Variants in ADAMTS12 observed in about 807,000 individuals in gnomAD.
ADAMTS12 encodes ADAM metallopeptidase with thrombospondin type 1 motif 12, also known as A disintegrin and metalloproteinase with thrombospondin motifs 12.
In ADAMTS12, 118 loss-of-function variants were observed where a neutral mutation model predicts 167.8. That is an observed-to-expected ratio of 0.70 (90% CI 0.61 to 0.82). The LOEUF (loss-of-function observed/expected upper bound fraction) is 0.82, where lower values mean the gene tolerates loss of function less well. ADAMTS12 is among the 40% of genes least tolerant of loss of function. The pLI, the probability that ADAMTS12 is intolerant of heterozygous loss-of-function variation, is 0.00. For synonymous variants in ADAMTS12, 704 were observed against 716.9 expected (o/e 0.98, Z 0.29); for missense variants, 1,916 against 1,998.8 (o/e 0.96, Z 0.79).
chr5:33,793,696 G>A (rs1579941390), intron 2 of ADAMTS12, among the ~76,000 whole-genome samples: 2 of 152,158 alleles, frequency 1.3e-5, no homozygotes, highest in South Asian at 4.2e-4. Flanking sequence ...AGGGAAGTGG[G>A]GGAAAGCCGG....
intron 20 of ADAMTS12, among the ~76,000 whole-genome samples, chr5:33,554,774 C>T (rs754656368): frequency 6.6e-6 from 1 of 152,092 alleles, no homozygotes; most frequent in Non-Finnish European, 1.5e-5. Context: ...CTGCCATAGA[C>T]AATCTGTAAA....
chr5:33,707,275 A>T (rs1050109396), intron 3 of ADAMTS12, among the ~76,000 whole-genome samples: 5 of 152,324 alleles, frequency 3.3e-5, no homozygotes, highest in African/African-American at 1.2e-4. Flanking sequence ...AAGGAGAACT[A>T]CAAACCACTG....
At position 33,546,105 on chromosome 5, in the gene ADAMTS12, C is replaced by T; in HGVS notation, c.4400G>A (p.Cys1467Tyr). 6.2e-7 allele frequency: 1 copy of T among 1,613,764 alleles called. No individual in the cohort carries two copies. The highest frequency in any genetic ancestry group is 8.5e-7 in the Non-Finnish European group (1 of 1,179,940). Residue 1467 changes from cysteine (C) to tyrosine (Y), a missense_variant, in exon 22 of 24, where the codon TGC becomes TAC. Physicochemically the swap from Cys to Tyr is radical, Grantham distance 194. Transcript: ENST00000504830. ...CCAGTGACAGCACAGGTGCTCATTG[C>T]AAGACATGGTGGATGTGGGTCTTTT... ...WTKRPTSTMS[C>Y]NEHLCCHWAT... is the part of the protein sequence containing the mutation.
chr5:33,686,936 T>TATAGAG (rs70964412), intron 3 of ADAMTS12, among the ~76,000 whole-genome samples: 1,597 of 145,610 alleles, frequency 0.011, 16 homozygotes, highest in Middle Eastern at 0.029. Flanking sequence ...TATATATATA[T>TATAGAG]AGAGAGAGAG....
chr5:33,796,605 T>C (rs5026245), intron 2 of ADAMTS12, among the ~76,000 whole-genome samples: 116,074 of 152,084 alleles, frequency 0.76, 44,911 homozygotes, highest in African/African-American at 0.89. Context: ...GTCTAGTTTT[T>C]GCCAATGAGT....
At chr5:33,528,575 T>G (rs1025033166) in intron 23 of ADAMTS12, among the ~76,000 whole-genome samples, 2 of 152,230 alleles carry the variant, frequency 1.3e-5, no homozygotes, top group African/African-American at 2.4e-5. Flanking sequence ...AGACAAGTAT[T>G]TTTTCCATTT....
chr5:33,540,328 C>T (rs1413167487), intron 22 of ADAMTS12, among the ~76,000 whole-genome samples: 1 of 152,252 alleles, frequency 6.6e-6, no homozygotes, highest in East Asian at 1.9e-4. Context: ...GCGGAGCCCA[C>T]CACAGCTCAG....
Position 33,683,110 on chromosome 5 carries a change from A to T in ADAMTS12, c.832-9T>A. ...TGGAACAACCCAGTGACCTAGGGTC[A>T]GAAATAGAAAACCATTAGCTCCACA... On this transcript the variant is annotated splice_polypyrimidine_tract_variant and intron_variant, in intron 4 of 23. Transcript: ENST00000504830. 6.2e-7 allele frequency: 1 copy of T among 1,606,188 alleles called. No homozygotes were observed. Among genetic ancestry groups the T allele is most frequent in the Non-Finnish European group, 8.5e-7 (1 of 1,174,446 alleles).
intron 3 of ADAMTS12, 35 bp from the exon 4 acceptor site, chr5:33,684,090 GT>G (rs1202206414): frequency 1.0e-5 from 14 of 1,366,936 alleles, no homozygotes; most frequent in Non-Finnish European, 1.2e-5. Context: ...GTCTAACACT[GT>G]ATATGTCTCA....
chr5:33,720,743 T>C (rs182232895), intron 3 of ADAMTS12, among the ~76,000 whole-genome samples: 106 of 152,328 alleles, frequency 7.0e-4, no homozygotes, highest in African/African-American at 2.5e-3. Flanking sequence ...TATACACTGC[T>C]GGTGAGCGGG....
At position 33,622,236 on chromosome 5, in the gene ADAMTS12, C is replaced by T. The variant is rs1481129952; in HGVS notation, c.2143+1995G>A. On this transcript the variant is annotated intron_variant, in intron 14 of 23. Coordinates refer to ENST00000504830, the MANE Select transcript of ADAMTS12 (RefSeq NM_030955.4). ...AGAACCCAGAATTAGAGTTGGATTT[C>T]CTAAGGGATTACAAGGTTAAGTGGA... is the stretch of plus-strand genomic sequence containing the variant. Among the ~76,000 whole-genome samples, 3 of 152,136 alleles carry T rather than the reference C, an allele frequency of 2.0e-5. No individual in the cohort carries two copies. The East Asian group carries it at 5.8e-4, about 29-fold the overall frequency.
intron 16 of ADAMTS12, among the ~76,000 whole-genome samples, chr5:33,608,979 G>C (rs1302218443): frequency 6.6e-6 from 1 of 152,170 alleles, no homozygotes; most frequent in Non-Finnish European, 1.5e-5. Flanking sequence ...GTACTGTCTA[G>C]AGATTTCACT....
intron 16 of ADAMTS12, among the ~76,000 whole-genome samples, chr5:33,604,009 A>T (rs1738308005): frequency 6.6e-6 from 1 of 152,206 alleles, no homozygotes; most frequent in African/African-American, 2.4e-5. Context: ...GAACTCATCA[A>T]GAGTGAATGC....
At chr5:33,546,241 T>C in intron 21 of ADAMTS12, 39 bp from the exon 22 acceptor site, 3 of 1,579,018 alleles carry the variant, frequency 1.9e-6, no homozygotes, top group Non-Finnish European at 1.7e-6. Context: ...AAAAGTCAGG[T>C]GGAGACATGT....
At chr5:33,759,295 C>A (rs1263046409) in intron 2 of ADAMTS12, among the ~76,000 whole-genome samples, 1 of 152,208 alleles carries the variant, frequency 6.6e-6, no homozygotes, top group Non-Finnish European at 1.5e-5. Flanking sequence ...AGGTCCTGGC[C>A]TCCTGTATTT....
chr5:33,809,120 C>T (rs1485328911), intron 2 of ADAMTS12, among the ~76,000 whole-genome samples: 1 of 152,156 alleles, frequency 6.6e-6, no homozygotes, highest in Non-Finnish European at 1.5e-5. Context: ...GTTTTGGTCT[C>T]ACTTTGAATG....
chr5:33,709,048 A>ACATGAAG (rs1213629988), intron 3 of ADAMTS12, among the ~76,000 whole-genome samples: 1 of 152,236 alleles, frequency 6.6e-6, no homozygotes, highest in African/African-American at 2.4e-5. Flanking sequence ...TGGGCAAAGA[A>ACATGAAG]CATGAAGACA....
chr5:33,769,941 T>A (rs1002578663), intron 2 of ADAMTS12, among the ~76,000 whole-genome samples: 15 of 152,228 alleles, frequency 9.9e-5, no homozygotes, highest in African/African-American at 3.6e-4. Context: ...AGTATGTATA[T>A]ACCCTTCTAT....
intron 16 of ADAMTS12, among the ~76,000 whole-genome samples, chr5:33,612,602 A>T (rs1738783238): frequency 6.6e-6 from 1 of 152,210 alleles, no homozygotes; most frequent in African/African-American, 2.4e-5. Context: ...AACAAAGGGG[A>T]TGACAAATCA....
Sources: allele counts gnomAD v4.1 joint callset (sites outside exome capture counted in the v4.1 genomes callset), GRCh38; gene constraint gnomAD v4.1.1; transcripts MANE v1.5; gene names NCBI Gene and HGNC (gene_info 2026-07-23, HGNC 2026-07-21).